Variants in DEFB108B observed in about 807,000 individuals in gnomAD.
DEFB108B encodes the protein beta-defensin 108B.
Under a neutral mutation model 2.4 loss-of-function variants are expected in DEFB108B, and 3 were observed. The observed-to-expected ratio is 1.25, with a 90% CI of 0.57 to 3.24. The LOEUF is 3.24. DEFB108B is among the 30% of genes most tolerant of loss of function. The pLI, the probability that DEFB108B is intolerant of heterozygous loss-of-function variation, is 0.03. For missense variants in DEFB108B, 101 were observed against 87.8 expected, an observed-to-expected ratio of 1.15 and a Z score of -0.60; for synonymous variants, 25 against 28.7, an observed-to-expected ratio of 0.87 and a Z score of 0.41.
intron 1 of DEFB108B, 77 bp downstream of exon 1, chr11:71,833,334 A>G: frequency 3.2e-6 from 5 of 1,576,688 alleles, no homozygotes; most frequent in Non-Finnish European, 4.3e-6. Context: ...AATCACCATC[A>G]CCTATAACCA....
At chr11:71,836,872 TC>T (rs1952223229) in intron 1 of DEFB108B, among the ~76,000 whole-genome samples, 2 of 152,188 alleles carry the variant, frequency 1.3e-5, no homozygotes, top group South Asian at 4.1e-4. Context: ...AAGTATATTG[TC>T]TTTTAGGTCT....
At chr11:71,836,104 A>G (rs1165213199) in intron 1 of DEFB108B, among the ~76,000 whole-genome samples, 1 of 152,204 alleles carries the variant, frequency 6.6e-6, no homozygotes, top group Non-Finnish European at 1.5e-5. Context: ...GGGTACTACT[A>G]TACGTAGTAG....
Position 71,835,264 on chromosome 11 carries a change from A to G in DEFB108B, c.58+2007A>G, listed in dbSNP as rs138373555. Among the ~76,000 whole-genome samples, 220 of 152,024 alleles carry G rather than the reference A, an allele frequency of 1.4e-3. 4 individuals carry two copies. In the East Asian group the frequency reaches 0.039, roughly 27 times the overall value. ...CTCCCTCCCCTCCTGGTAAGTCCCAATCTCTCTTGTTCCCATTTTTATGTC... is the reference window on the plus strand; with the variant it reads ...CTCCCTCCCCTCCTGGTAAGTCCCAGTCTCTCTTGTTCCCATTTTTATGTC... On this transcript the variant is annotated intron_variant, in intron 1 of 1. Transcript: ENST00000328698.
chr11:71,837,094 A>C, intron 1 of DEFB108B: 1 of 304,416 alleles, frequency 3.3e-6, no homozygotes, highest in Non-Finnish European at 6.2e-6. Context: ...AGAAGATAAT[A>C]AGGAAGAAAT....
chr11:71,837,309 T>C (rs1005363054), intron 1 of DEFB108B, 90 bp from the exon 2 acceptor site: 1 of 1,491,172 alleles, frequency 6.7e-7, no homozygotes, highest in African/African-American at 1.4e-5. Context: ...CACAAGATTA[T>C]TTTCAAGCAC....
At chr11:71,835,135 T>C (rs1445887711) in intron 1 of DEFB108B, among the ~76,000 whole-genome samples, 2 of 152,226 alleles carry the variant, frequency 1.3e-5, no homozygotes, top group South Asian at 2.1e-4. Flanking sequence ...CATGTGCAGA[T>C]TTGTTACATG....
At chr11:71,834,826 T>A (rs1340538101) in intron 1 of DEFB108B, 1 of 152,232 alleles carries the variant, frequency 6.6e-6, no homozygotes, top group Non-Finnish European at 1.5e-5. Context: ...GCAAGTTTCT[T>A]TCTTTCCGTC....
chr11:71,837,273 C>A (rs1697989186), intron 1 of DEFB108B, 126 bp from the exon 2 acceptor site: 1 of 1,169,698 alleles, frequency 8.5e-7, no homozygotes, highest in Non-Finnish European at 1.2e-6. Context: ...AAATCACACA[C>A]ACACACACAC....
rs778615466 is a variant in DEFB108B at position 71,833,210 on chromosome 11, C to T, written c.11C>T (p.Ala4Val). Reference sequence around the variant, plus strand: ...TTTCTTTCTTCAGCCATGAGGATTGCTGTCCTCCTCTTCGCCATTTTCTTC... The same window carrying T: ...TTTCTTTCTTCAGCCATGAGGATTGTTGTCCTCCTCTTCGCCATTTTCTTC... The part of the protein sequence containing the change: MRI[A>V]VLLFAIFFFM... Residue 4 changes from alanine (A) to valine (V), a missense_variant, in exon 1 of 2, where the codon GCT (alanine) becomes GTT (valine). Coordinates refer to ENST00000328698, the MANE Select transcript of DEFB108B (RefSeq NM_001002035.2). The T allele has an allele frequency of 2.8e-5, 45 of 1,598,564 alleles. No individual in the cohort carries two copies. The highest frequency in any genetic ancestry group is 3.8e-5 in the Non-Finnish European group (44 of 1,171,474).
At chr11:71,835,840 C>G (rs921250852) in intron 1 of DEFB108B, among the ~76,000 whole-genome samples, 3 of 152,154 alleles carry the variant, frequency 2.0e-5, no homozygotes, top group Non-Finnish European at 2.9e-5. Flanking sequence ...AGACTTTAAT[C>G]AGATTCTGGA....
At chr11:71,834,634 G>A (rs1952203379) in intron 1 of DEFB108B, 1 of 152,182 alleles carries the variant, frequency 6.6e-6, no homozygotes, top group African/African-American at 2.4e-5. Context: ...AATGAAAGGT[G>A]GCACCTCCTC....
chr11:71,836,119 C>T (rs1289011555), intron 1 of DEFB108B, among the ~76,000 whole-genome samples: 1 of 152,098 alleles, frequency 6.6e-6, no homozygotes, highest in African/African-American at 2.4e-5. Flanking sequence ...TAGTAGCTGA[C>T]TACTTACAGA....
intron 1 of DEFB108B, chr11:71,834,625 A>C (rs1372672532): frequency 6.6e-6 from 1 of 152,218 alleles, no homozygotes; most frequent in Non-Finnish European, 1.5e-5. Context: ...ATGCAGCCTA[A>C]TGAAAGGTGG....
At chr11:71,837,017 G>A (rs115460892) in intron 1 of DEFB108B, 2,673 of 169,042 alleles carry the variant, frequency 0.016, 83 homozygotes, top group African/African-American at 0.061. Context: ...CTTCTCTTTC[G>A]CTCCAGGAAA....
rs1198951571 is a variant in DEFB108B, at chr11:71,834,937, CAT to C, written c.58+1682_58+1683del. 2.0e-5 allele frequency: 3 copies of C among 152,256 alleles called. No individual in the cohort carries two copies. The East Asian group carries it at 5.8e-4, about 29-fold the overall frequency. 9.4% of individuals were successfully genotyped at this position (152,256 alleles called of 1,614,324 possible). A position where few individuals can be genotyped will look rare whatever the true frequency, so the allele number is the denominator to read the frequency against. ...TCCTAAAGCAAATAGCTGGAAAAGA[CAT>C]AGTGTCCACAATATGCAATACACAA... On this transcript the variant is annotated intron_variant, in intron 1 of 1. Coordinates refer to ENST00000328698, the MANE Select transcript of DEFB108B (RefSeq NM_001002035.2).
rs1420192825 is a variant in DEFB108B, at chr11:71,837,655, C to T, written c.*93C>T. On this transcript the variant is annotated 3_prime_UTR_variant, in exon 2 of 2. Transcript: ENST00000328698. Reference sequence around the variant, plus strand: ...CCTTTCCCTCTCTCCATTTTTCTCACAGGGATTTTTATTGAATCCTCAAAA... The same window carrying T: ...CCTTTCCCTCTCTCCATTTTTCTCATAGGGATTTTTATTGAATCCTCAAAA... 6.8e-7 allele frequency: 1 copy of T among 1,470,476 alleles called. No homozygotes were observed. Among genetic ancestry groups the T allele is most frequent in the African/African-American group, 1.4e-5 (1 of 70,434 alleles). The allele number at this position is 1,470,476 out of a possible 1,614,324, so 91.1% of individuals were successfully genotyped here.
rs1565107968 is a variant in DEFB108B, at chr11:71,837,401, A to C, written c.61A>C (p.Arg21=). The change falls in exon 2 of 2, where the codon AGG becomes CGG. Residue 21 remains arginine (R), a splice_region_variant and synonymous_variant. Coordinates refer to ENST00000328698, the MANE Select transcript of DEFB108B (RefSeq NM_001002035.2). ...CAATAACCCTCTTCTTCATGTAGCC[A>C]GGGGCAAATTCAAGGAGATCTGTGA... ...FFFMSQVLPA[R]GKFKEICERP... 10 of 1,611,778 alleles carry C rather than the reference A, an allele frequency of 6.2e-6. No individual in the cohort carries two copies. The highest frequency in any genetic ancestry group is 1.7e-5 in the Admixed American group (1 of 60,012).
chr11:71,834,997 G>T (rs1188266186), intron 1 of DEFB108B: 1 of 152,142 alleles, frequency 6.6e-6, no homozygotes, highest in Non-Finnish European at 1.5e-5. Context: ...GAAAACAAAA[G>T]ATTTTTAAAA....
rs192941029 is a variant in DEFB108B, at chr11:71,835,878, G to T, written c.59-1521G>T. ...ATACATACAGAGGAGAATAAGATAT[G>T]ATTCCTGCCCTCAAGAAATTCATTA... On this transcript the variant is annotated intron_variant, in intron 1 of 1. Transcript: ENST00000328698. Among the ~76,000 whole-genome samples the T allele has an allele frequency of 5.6e-4, 85 of 152,332 alleles. 1 individual carries two copies. Among genetic ancestry groups the T allele is most frequent in the Admixed American group, 5.4e-3 (83 of 15,298 alleles).
Sources: gnomAD v4.1 joint callset for allele counts (sites outside exome capture counted in the v4.1 genomes callset) on GRCh38, gnomAD v4.1.1 for gene constraint, MANE v1.5 for transcripts, NCBI Gene and HGNC (gene_info 2026-07-23, HGNC 2026-07-21) for gene names.